Variants in INPP5F observed in about 807,000 individuals in gnomAD.
The protein encoded by INPP5F is inositol polyphosphate-5-phosphatase F.
INPP5F carries 97 observed loss-of-function variants against 137.2 expected under a neutral mutation model. That is an observed-to-expected ratio of 0.71 (90% CI 0.60 to 0.84). The LOEUF is 0.84. Among genes scored for constraint, INPP5F ranks in the 40% least tolerant of loss-of-function variants. INPP5F has a pLI of 0.00. For missense variants in INPP5F, 1,271 were observed against 1,371.9 expected, an observed-to-expected ratio of 0.93 and a Z score of 1.16; for synonymous variants, 504 against 476.9, an observed-to-expected ratio of 1.06 and a Z score of -0.74.
chr10:119,733,000 T>C (rs1321551931), intron 1 of INPP5F, among the ~76,000 whole-genome samples: 1 of 152,202 alleles, frequency 6.6e-6, no homozygotes, highest in Non-Finnish European at 1.5e-5. Flanking sequence ...TCTAACCCAG[T>C]GTTTGACTCT....
chr10:119,797,201 C>A (rs7920504), intron 7 of INPP5F, among the ~76,000 whole-genome samples: 31 of 152,170 alleles, frequency 2.0e-4, no homozygotes, highest in African/African-American at 6.8e-4. Flanking sequence ...GCCTGTATCA[C>A]CGTGATAAAT....
intron 6 of INPP5F, among the ~76,000 whole-genome samples, chr10:119,795,806 G>A (rs1037687898): frequency 6.6e-6 from 1 of 152,178 alleles, no homozygotes; most frequent in African/African-American, 2.4e-5. Context: ...CTGAGTGAAC[G>A]AGACTCCGTC....
chr10:119,749,856 G>A lies in INPP5F; in HGVS notation c.98-1220G>A, dbSNP rs546201810. Among the ~76,000 whole-genome samples, 7 of 152,304 alleles carry A rather than the reference G, an allele frequency of 4.6e-5. No individual in the cohort carries two copies. In the East Asian group the frequency reaches 1.3e-3, roughly 29 times the overall value. On this transcript the variant is annotated intron_variant, in intron 1 of 19. Coordinates refer to ENST00000650623, the MANE Select transcript of INPP5F (RefSeq NM_014937.4). ...TGCCGTGGTGCGATCTTGGCTCGCT[G>A]CAACCTTCACCTCCTAGGTTCAAGT...
chr10:119,752,064 T>C (rs1476351146), intron 2 of INPP5F, among the ~76,000 whole-genome samples: 1 of 152,264 alleles, frequency 6.6e-6, no homozygotes, highest in East Asian at 1.9e-4. Flanking sequence ...TAGTGTGTCC[T>C]TTTTATTTAA....
chr10:119,751,226 G>GA, intron 2 of INPP5F, 70 bp downstream of exon 2: 2 of 917,262 alleles, frequency 2.2e-6, no homozygotes, highest in Non-Finnish European at 3.7e-6. Context: ...CCTCTTTGAG[G>GA]ATACATGAGA....
intron 2 of INPP5F, among the ~76,000 whole-genome samples, chr10:119,772,805 G>T (rs890204530): frequency 6.7e-6 from 1 of 149,968 alleles, no homozygotes; most frequent in Admixed American, 6.6e-5. Context: ...GTGCAGTGGC[G>T]CAATCTTGGC....
intron 9 of INPP5F, among the ~76,000 whole-genome samples, chr10:119,801,422 C>G (rs1335629434): frequency 1.3e-5 from 2 of 152,180 alleles, no homozygotes; most frequent in Non-Finnish European, 2.9e-5. Flanking sequence ...CAACTGATAA[C>G]AGGAGTTACC....
chr10:119,785,926 T>A (rs196205), intron 3 of INPP5F, among the ~76,000 whole-genome samples: 65,211 of 152,014 alleles, frequency 0.43, 14,302 homozygotes, highest in South Asian at 0.68. Context: ...CAATGAGGAC[T>A]TAGTTGTTGC....
In INPP5F at chr10:119,771,216, A is replaced by C. The variant is rs186297964; in HGVS notation, c.179-10419A>C. Among the ~76,000 whole-genome samples, 96 of 152,132 alleles carry C rather than the reference A, an allele frequency of 6.3e-4. 1 individual carries two copies. Among genetic ancestry groups the C allele is most frequent in the African/African-American group, 2.2e-3 (91 of 41,496 alleles). ...ATAAATGAAATCATACAATATGTGC[A>C]CCTTTGTGATTGTTTTTTTTCACTT... is the stretch of plus-strand genomic sequence containing the variant. On this transcript the variant is annotated intron_variant, in intron 2 of 19. Transcript: ENST00000650623.
chr10:119,763,142 C>CCCT (rs1263240724), intron 2 of INPP5F, among the ~76,000 whole-genome samples: 1 of 152,178 alleles, frequency 6.6e-6, no homozygotes, highest in Non-Finnish European at 1.5e-5. Context: ...GGCAGTGGAG[C>CCCT]CCTAGTAAGT....
At position 119,770,447 on chromosome 10, in the gene INPP5F, A is replaced by G. The variant is rs989024891; in HGVS notation, c.179-11188A>G. On this transcript the variant is annotated intron_variant, in intron 2 of 19. Coordinates refer to ENST00000650623, the MANE Select transcript of INPP5F (RefSeq NM_014937.4). ...TGATGGATAATAGGATTGCCAAACA[A>G]TAGTGACGCTGTACTTTTACATTTG... Among the ~76,000 whole-genome samples the G allele has an allele frequency of 3.9e-5, 6 of 152,348 alleles. No individual in the cohort carries two copies. The East Asian group carries it at 1.2e-3, about 29-fold the overall frequency.
intron 2 of INPP5F, among the ~76,000 whole-genome samples, chr10:119,779,464 A>T (rs542138225): frequency 6.6e-6 from 1 of 152,044 alleles, no homozygotes; most frequent in African/African-American, 2.4e-5. Context: ...TTGTCACCCA[A>T]GCTGGAGTGC....
At chr10:119,750,657 G>C (rs193141713) in intron 1 of INPP5F, among the ~76,000 whole-genome samples, 1 of 152,144 alleles carries the variant, frequency 6.6e-6, no homozygotes, top group Non-Finnish European at 1.5e-5. Flanking sequence ...AAGCATCTTC[G>C]GGAAAATGTA....
In INPP5F at chr10:119,827,596, C is replaced by G; in HGVS notation, c.3215C>G (p.Ala1072Gly). The change falls in exon 20 of 20, where the codon GCC (alanine) becomes GGC (glycine). Residue 1072 changes from alanine to glycine, a missense_variant. By Grantham distance (60) the Ala-to-Gly change is moderately conservative. This residue lies in a region of INPP5F where 490 missense variants were observed against 443.7 expected (regional missense o/e 1.10). Transcript: ENST00000650623. Reference sequence around the variant, plus strand: ...AGCAGCAGAGCAGTCTCTCCCTTTGCCAAGATTCGAAGTTCCATGGTCCAG... The same window carrying G: ...AGCAGCAGAGCAGTCTCTCCCTTTGGCAAGATTCGAAGTTCCATGGTCCAG... ...SSSSRAVSPF[A>G]KIRSSMVQVA... The G allele has an allele frequency of 1.2e-6, 2 of 1,614,138 alleles. No individual in the cohort carries two copies. The highest frequency in any genetic ancestry group is 1.7e-6 in the Non-Finnish European group (2 of 1,180,018).
chr10:119,776,940 G>C (rs1035702729), intron 2 of INPP5F, among the ~76,000 whole-genome samples: 1 of 152,000 alleles, frequency 6.6e-6, no homozygotes, highest in African/African-American at 2.4e-5. Flanking sequence ...TTGCAGAGAT[G>C]GGGTTTCGCC....
chr10:119,773,036 CTGCGCCCAGCCTAATTTT>C, intron 2 of INPP5F, among the ~76,000 whole-genome samples: 1 of 152,144 alleles, frequency 6.6e-6, no homozygotes, highest in South Asian at 2.1e-4. Context: ...GTGTGAGCCA[CTGCGCCCAGCCTAATTTT>C]TAAAAATTAT....
rs1390626621 is a variant in INPP5F at position 119,787,982 on chromosome 10, G to T, written c.316-3535G>T. Reference sequence around the variant, plus strand: ...GCCATGCCAGTAGCATTTCCATGAAGAAATACTGGTCTGGGCAAAAGATAG... The same window carrying T: ...GCCATGCCAGTAGCATTTCCATGAATAAATACTGGTCTGGGCAAAAGATAG... On this transcript the variant is annotated intron_variant, in intron 3 of 19. Coordinates refer to ENST00000650623, the MANE Select transcript of INPP5F (RefSeq NM_014937.4). This position sits in a 1 kb window ranked among gnomAD's most constrained non-coding sequence, Gnocchi z 4.1. 6.6e-6 allele frequency among the ~76,000 whole-genome samples: 1 copy of T among 152,188 alleles called. No individual in the cohort carries two copies. Among genetic ancestry groups the T allele is most frequent in the African/African-American group, 2.4e-5 (1 of 41,432 alleles).
chr10:119,731,947 C>T (rs4751753), intron 1 of INPP5F, among the ~76,000 whole-genome samples: 24 of 151,212 alleles, frequency 1.6e-4, no homozygotes, highest in East Asian at 3.9e-4. Flanking sequence ...TGTATGACTA[C>T]GTTTATTTCC....
At chr10:119,823,247 T>C (rs765020490) in intron 18 of INPP5F, 48 bp downstream of exon 18, 2 of 1,582,346 alleles carry the variant, frequency 1.3e-6, no homozygotes, top group Admixed American at 1.7e-5. Flanking sequence ...TTTCTATTTA[T>C]TCTTAAAAGC....
Sources: gnomAD v4.1 joint callset for allele counts (sites outside exome capture counted in the v4.1 genomes callset) on GRCh38, gnomAD v4.1.1 for gene constraint, gnomAD v4.1.1 regional missense constraint, Gnocchi (gnomAD v3.1) non-coding constraint, MANE v1.5 for transcripts, NCBI Gene and HGNC (gene_info 2026-07-23, HGNC 2026-07-21) for gene names.